ADGRB3: variants seen among roughly 807,000 people sequenced by gnomAD.
ADGRB3 encodes brain-specific angiogenesis inhibitor 3.
In ADGRB3, 37 loss-of-function variants were observed where a neutral mutation model predicts 193.4. The observed-to-expected ratio is 0.19, with a 90% CI of 0.15 to 0.25. ADGRB3 has a LOEUF of 0.25. Ranked by LOEUF, ADGRB3 falls within the 10% of genes least tolerant of loss-of-function variation. The pLI, the probability that ADGRB3 is intolerant of heterozygous loss-of-function variation, is 1.00. For missense variants in ADGRB3, 1,637 were observed against 1,852.9 expected (o/e 0.88, Z 2.14); for synonymous variants, 690 against 644.2 (o/e 1.07, Z -1.08).
intron 3 of ADGRB3, among the ~76,000 whole-genome samples, chr6:68,786,271 G>T (rs1457130516): frequency 7.2e-5 from 11 of 151,908 alleles, no homozygotes; most frequent in Admixed American, 5.9e-4. Context: ...TTTTTCTAGG[G>T]TTTTTATGGT....
intron 3 of ADGRB3, among the ~76,000 whole-genome samples, chr6:68,889,061 G>A (rs1765997249): frequency 6.6e-6 from 1 of 152,152 alleles, no homozygotes; most frequent in Non-Finnish European, 1.5e-5. Context: ...TAAAGACAAA[G>A]GCTGTAAGAG....
At chr6:68,743,865 G>A (rs909130216) in intron 3 of ADGRB3, among the ~76,000 whole-genome samples, 4 of 152,014 alleles carry the variant, frequency 2.6e-5, no homozygotes, top group African/African-American at 4.8e-5. Context: ...GAATCATAGC[G>A]CTAATGTGTA....
intron 3 of ADGRB3, among the ~76,000 whole-genome samples, chr6:68,784,704 T>G (rs1766924725): frequency 6.6e-6 from 1 of 152,144 alleles, no homozygotes; most frequent in African/African-American, 2.4e-5. Context: ...AAGGTAGAAA[T>G]GCATTTCTGG....
chr6:68,831,390 G>A (rs1767950589), intron 3 of ADGRB3, among the ~76,000 whole-genome samples: 1 of 151,814 alleles, frequency 6.6e-6, no homozygotes, highest in Non-Finnish European at 1.5e-5. Context: ...GACTTTTTAG[G>A]TGGAAAAGTC....
chr6:68,916,609 A>G (rs928834431), intron 3 of ADGRB3, among the ~76,000 whole-genome samples: 38 of 152,340 alleles, frequency 2.5e-4, no homozygotes, highest in Admixed American at 6.5e-4. Flanking sequence ...TGGTCTTACG[A>G]AATCACTGTA....
At chr6:69,226,757 C>T (rs1410556874) in intron 17 of ADGRB3, among the ~76,000 whole-genome samples, 1 of 152,232 alleles carries the variant, frequency 6.6e-6, no homozygotes, top group Non-Finnish European at 1.5e-5. Context: ...CATCTGGAAG[C>T]TTAACTTGGG....
intron 10 of ADGRB3, among the ~76,000 whole-genome samples, chr6:68,977,167 CAT>C (rs1184882584): frequency 1.3e-5 from 2 of 150,482 alleles, no homozygotes; most frequent in Admixed American, 1.3e-4. Context: ...GGGAATATAA[CAT>C]ATAGCTTAGC....
At chr6:69,325,702 C>G (rs1323532671) in intron 21 of ADGRB3, among the ~76,000 whole-genome samples, 2 of 152,138 alleles carry the variant, frequency 1.3e-5, no homozygotes, top group Non-Finnish European at 2.9e-5. Context: ...ATAATATCTA[C>G]TGTATTAGAA....
At chr6:69,215,516 A>C (rs563227183) in intron 17 of ADGRB3, among the ~76,000 whole-genome samples, 1 of 151,938 alleles carries the variant, frequency 6.6e-6, no homozygotes, top group African/African-American at 2.4e-5. Flanking sequence ...CTCTATAGAT[A>C]ATTCAGTCCT....
intron 16 of ADGRB3, among the ~76,000 whole-genome samples, chr6:69,072,877 A>G (rs550370515): frequency 7.0e-4 from 107 of 152,350 alleles, no homozygotes; most frequent in African/African-American, 2.0e-3. Flanking sequence ...CACAAGCTAT[A>G]TGAAAAATTC....
intron 17 of ADGRB3, among the ~76,000 whole-genome samples, chr6:69,087,215 G>A (rs541600270): frequency 6.7e-4 from 102 of 152,186 alleles, no homozygotes; most frequent in African/African-American, 2.5e-3. Context: ...CAAATCTCAG[G>A]ACCCGGTAGT....
chr6:68,772,145 A>G (rs1766630838), intron 3 of ADGRB3, among the ~76,000 whole-genome samples: 1 of 151,804 alleles, frequency 6.6e-6, no homozygotes, highest in Non-Finnish European at 1.5e-5. Context: ...GGGAAAGAGT[A>G]GTGAGATTGA....
chr6:69,193,692 CAACTT>C (rs1765243907), intron 17 of ADGRB3, among the ~76,000 whole-genome samples: 1 of 151,916 alleles, frequency 6.6e-6, no homozygotes, highest in Non-Finnish European at 1.5e-5. Flanking sequence ...CTTTGGAAAA[CAACTT>C]AACCCTTTGA....
chr6:68,798,998 C>T (rs1206884591), intron 3 of ADGRB3, among the ~76,000 whole-genome samples: 1 of 152,094 alleles, frequency 6.6e-6, no homozygotes, highest in Non-Finnish European at 1.5e-5. Flanking sequence ...ATTTCACCCT[C>T]TGGGCTACAG....
intron 17 of ADGRB3, among the ~76,000 whole-genome samples, chr6:69,111,395 A>G (rs771449414): frequency 6.6e-6 from 1 of 152,158 alleles, no homozygotes; most frequent in Non-Finnish European, 1.5e-5. Flanking sequence ...TTGGCTTTTC[A>G]TGGAAAAACA....
In ADGRB3 at chr6:69,183,053, A is replaced by T. The variant is rs186339146; in HGVS notation, c.2481-50237A>T. 9.9e-5 allele frequency among the ~76,000 whole-genome samples: 15 copies of T among 152,250 alleles called. No homozygotes were observed. The East Asian group carries it at 2.9e-3, about 29-fold the overall frequency. On this transcript the variant is annotated intron_variant, in intron 17 of 31. Coordinates refer to ENST00000370598, the MANE Select transcript of ADGRB3 (RefSeq NM_001704.3). ...CACATGGATGTTACCCCTTACACAC[A>T]TTCTGCTGTTCTATGCCAACGAAGC... is the stretch of plus-strand genomic sequence containing the variant.
chr6:69,062,886 A>G (rs765390868), intron 15 of ADGRB3, 48 bp from the exon 16 acceptor site: 1 of 1,365,890 alleles, frequency 7.3e-7, no homozygotes, highest in South Asian at 1.2e-5. Flanking sequence ...AGGAATTTAT[A>G]CTTTTCAGCA....
chr6:69,338,578 T>C (rs565659601), intron 24 of ADGRB3, among the ~76,000 whole-genome samples: 1 of 152,302 alleles, frequency 6.6e-6, no homozygotes, highest in African/African-American at 2.4e-5. Context: ...TGTTTGATTA[T>C]TGGGGTCTGA....
intron 3 of ADGRB3, among the ~76,000 whole-genome samples, chr6:68,914,350 A>C (rs543681417): frequency 2.6e-5 from 4 of 152,222 alleles, no homozygotes; most frequent in Non-Finnish European, 5.9e-5. Context: ...ATCTCTCGGC[A>C]GAAACTCTAC....
Sources: gnomAD v4.1 joint callset for allele counts (sites outside exome capture counted in the v4.1 genomes callset) on GRCh38, gnomAD v4.1.1 for gene constraint, MANE v1.5 for transcripts, NCBI Gene and HGNC (gene_info 2026-07-23, HGNC 2026-07-21) for gene names.